The following UNC93A variants were observed in gnomAD, a reference collection of about 807,000 sequenced individuals.
UNC93A encodes unc-93 homolog A.
UNC93A carries 43 observed loss-of-function variants against 47.5 expected under a neutral mutation model. That is an observed-to-expected ratio of 0.91 (90% CI 0.71 to 1.17). The LOEUF (loss-of-function observed/expected upper bound fraction) is 1.17, where lower values mean the gene tolerates loss of function less well. Among genes scored for constraint, UNC93A ranks in the 50% most tolerant of loss-of-function variants. UNC93A has a pLI of 0.00. For synonymous variants in UNC93A, 280 were observed against 258.0 expected (o/e 1.09, Z -0.82); for missense variants, 605 against 577.6 (o/e 1.05, Z -0.49).
intron 4 of UNC93A, among the ~76,000 whole-genome samples, chr6:167,299,713 C>T (rs1345055274): frequency 1.3e-5 from 2 of 152,154 alleles, no homozygotes; most frequent in Non-Finnish European, 2.9e-5. Context: ...GTCCCTAAGC[C>T]GAGTCTGGAC....
At chr6:167,282,460 A>G (rs1221144143) in intron 1 of UNC93A, among the ~76,000 whole-genome samples, 1 of 152,116 alleles carries the variant, frequency 6.6e-6, no homozygotes, top group East Asian at 1.9e-4. Context: ...ATTTGGGAAA[A>G]TAAGAAATTG....
intron 1 of UNC93A, among the ~76,000 whole-genome samples, chr6:167,281,182 G>T (rs1783627747): frequency 6.6e-6 from 1 of 151,458 alleles, no homozygotes; most frequent in African/African-American, 2.4e-5. Flanking sequence ...CCACTGAGAG[G>T]AGCCCTAGAA....
upstream of UNC93A, among the ~76,000 whole-genome samples, chr6:167,269,239 A>G (rs902707910): frequency 5.9e-5 from 9 of 152,206 alleles, no homozygotes. Flanking sequence ...CCAGAACATC[A>G]TGGCTCTGTG....
chr6:167,276,068 T>C (rs534208979), intron 1 of UNC93A, among the ~76,000 whole-genome samples: 9,329 of 150,790 alleles, frequency 0.062, 582 homozygotes, highest in African/African-American at 0.16. Flanking sequence ...TCTTTTCTTT[T>C]TTTTTTTTTA....
chr6:167,273,290 C>T (rs1195973188), intron 1 of UNC93A, among the ~76,000 whole-genome samples: 5 of 131,808 alleles, frequency 3.8e-5, no homozygotes, highest in Non-Finnish European at 8.4e-5. Context: ...AGGACTCAGG[C>T]CCCCAACTCC....
At chr6:167,283,208 AT>A (rs1187948005) in intron 1 of UNC93A, among the ~76,000 whole-genome samples, 1 of 152,152 alleles carries the variant, frequency 6.6e-6, no homozygotes, top group Non-Finnish European at 1.5e-5. Flanking sequence ...AAACAAAGTT[AT>A]TTTTGGGTAA....
intron 7 of UNC93A, among the ~76,000 whole-genome samples, chr6:167,313,146 C>T (rs1014615197): frequency 3.9e-5 from 6 of 152,194 alleles, no homozygotes; most frequent in African/African-American, 1.4e-4. Flanking sequence ...CTTCTTTGGC[C>T]TCCTCCATTC....
chr6:167,273,550 G>T (rs1454933328), intron 1 of UNC93A, among the ~76,000 whole-genome samples: 1 of 152,206 alleles, frequency 6.6e-6, no homozygotes, highest in South Asian at 2.1e-4. Flanking sequence ...GCCAAACTCT[G>T]TAAAATATTG....
At chr6:167,273,682 A>G (rs1174601080) in intron 1 of UNC93A, among the ~76,000 whole-genome samples, 2 of 152,192 alleles carry the variant, frequency 1.3e-5, no homozygotes, top group African/African-American at 4.8e-5. Context: ...GCTATAGGGC[A>G]TAAGGCATCA....
upstream of UNC93A, among the ~76,000 whole-genome samples, chr6:167,287,590 A>G (rs1017136039): frequency 3.3e-5 from 5 of 152,168 alleles, no homozygotes; most frequent in South Asian, 4.1e-4. Context: ...CGCTCAATAA[A>G]TAGTGTGGAC....
chr6:167,273,659 A>AGG (rs1783489229), intron 1 of UNC93A, among the ~76,000 whole-genome samples: 1 of 152,190 alleles, frequency 6.6e-6, no homozygotes, highest in East Asian at 1.9e-4. Context: ...GGGCACAGCT[A>AGG]GGTTTTATAC....
intron 2 of UNC93A, 111 bp from the exon 3 acceptor site, chr6:167,295,921 A>T (rs768594254): frequency 1.0e-5 from 10 of 956,582 alleles, no homozygotes; most frequent in Non-Finnish European, 1.3e-5. Context: ...CACGCTTGCA[A>T]TGGGCCAGGC....
intron 6 of UNC93A, among the ~76,000 whole-genome samples, chr6:167,307,412 A>G (rs1778426415): frequency 6.6e-6 from 1 of 150,924 alleles, no homozygotes; most frequent in South Asian, 2.1e-4. Context: ...ACAGTTCCAG[A>G]GGATGGTTGA....
At position 167,294,216 on chromosome 6, in the gene UNC93A, A is replaced by T. The variant is rs572988055; in HGVS notation, c.88-301A>T. ...TCACACTGTCCTGTTCTCAGCTGAG[A>T]TTCAGGCAGGTGTCCACAGAGGCGT... is the stretch of plus-strand genomic sequence containing the variant. On this transcript the variant is annotated intron_variant, in intron 1 of 7. Coordinates refer to ENST00000230256, the MANE Select transcript of UNC93A (RefSeq NM_018974.4). 1.2e-4 allele frequency among the ~76,000 whole-genome samples: 19 copies of T among 152,228 alleles called. No homozygotes were observed. In the South Asian group the frequency reaches 3.9e-3, roughly 32 times the overall value.
upstream of UNC93A, among the ~76,000 whole-genome samples, chr6:167,290,647 C>A (rs1432666606): frequency 6.6e-6 from 1 of 152,162 alleles, no homozygotes; most frequent in East Asian, 1.9e-4. Flanking sequence ...CAGTTGTGAA[C>A]TCATTTTATC....
chr6:167,296,197 C>T lies in UNC93A; in HGVS notation c.435C>T (p.Phe145=), dbSNP rs762769826. Residue 145 remains phenylalanine (F), a synonymous_variant, in exon 3 of 8, where the codon TTC becomes TTT. Coordinates refer to ENST00000230256, the MANE Select transcript of UNC93A (RefSeq NM_018974.4). ...ATTTTGGCATCTTCTTCCTCATATT[C>T]CAGTCATCCGGTGTGTGGGGCAACT... is the stretch of plus-strand genomic sequence containing the variant. The part of the protein sequence containing the change: ...NQYFGIFFLI[F]QSSGVWGNLI... The T allele has an allele frequency of 2.5e-6, 4 of 1,614,228 alleles. No homozygotes were observed. In the Admixed American group the frequency reaches 5.0e-5, roughly 20 times the overall value.
At chr6:167,302,647 C>A (rs995806795) in intron 4 of UNC93A, among the ~76,000 whole-genome samples, 4 of 151,992 alleles carry the variant, frequency 2.6e-5, no homozygotes, top group Non-Finnish European at 4.4e-5. Flanking sequence ...AAGTGGTGGG[C>A]AGATGGAGAT....
At chr6:167,302,154 G>T (rs907342936) in intron 4 of UNC93A, among the ~76,000 whole-genome samples, 1 of 152,160 alleles carries the variant, frequency 6.6e-6, no homozygotes, top group Non-Finnish European at 1.5e-5. Flanking sequence ...TCTGAGACAG[G>T]TGCTAGGATT....
At chr6:167,298,229 T>C in intron 4 of UNC93A, 159 bp downstream of exon 4, 8 of 1,187,754 alleles carry the variant, frequency 6.7e-6, no homozygotes, top group Non-Finnish European at 8.0e-6. Flanking sequence ...CAGGCGGTGT[T>C]CTTATGAATC....
Sources: allele counts gnomAD v4.1 joint callset (sites outside exome capture counted in the v4.1 genomes callset), GRCh38; gene constraint gnomAD v4.1.1; transcripts MANE v1.5; gene names NCBI Gene and HGNC (gene_info 2026-07-23, HGNC 2026-07-21).